Variants in NRXN3 observed in about 807,000 individuals in gnomAD.
NRXN3 encodes the protein neurexin 3.
NRXN3 carries 32 observed loss-of-function variants against 137.6 expected under a neutral mutation model. The ratio of observed to expected loss-of-function variants is 0.23; its 90% CI spans 0.18 to 0.31. The LOEUF is 0.31. NRXN3 is among the 10% of genes least tolerant of loss of function. The pLI is 1.00. For synonymous variants in NRXN3, 798 were observed against 784.5 expected, an observed-to-expected ratio of 1.02 and a Z score of -0.29; for missense variants, 1,574 against 2,062.5, an observed-to-expected ratio of 0.76 and a Z score of 4.59.
At chr14:79,827,780 C>T (rs567538596) in intron 20 of NRXN3, among the ~76,000 whole-genome samples, 4 of 151,454 alleles carry the variant, frequency 2.6e-5, no homozygotes, top group Non-Finnish European at 5.9e-5. Flanking sequence ...CTGCAACTTC[C>T]ACCTCCTGGG....
At chr14:79,017,375 C>T (rs1292534696) in intron 15 of NRXN3, among the ~76,000 whole-genome samples, 1 of 151,670 alleles carries the variant, frequency 6.6e-6, no homozygotes, top group Non-Finnish European at 1.5e-5. Flanking sequence ...TAAGAATTAT[C>T]CTGCCTCATC....
intron 15 of NRXN3, among the ~76,000 whole-genome samples, chr14:79,462,512 T>C (rs1244084149): frequency 6.9e-6 from 1 of 145,802 alleles, no homozygotes. Flanking sequence ...TATACACACA[T>C]ATATGTATAT....
intron 16 of NRXN3, among the ~76,000 whole-genome samples, chr14:79,502,996 G>T (rs1022932010): frequency 1.3e-5 from 2 of 152,090 alleles, no homozygotes; most frequent in Non-Finnish European, 2.9e-5. Flanking sequence ...GCCCAGCCAA[G>T]TGACGTGGCA....
chr14:78,891,006 T>G (rs1304688079), intron 10 of NRXN3, among the ~76,000 whole-genome samples: 1 of 151,996 alleles, frequency 6.6e-6, no homozygotes, highest in Non-Finnish European at 1.5e-5. Flanking sequence ...TATAGGTAAT[T>G]TTTAAGTACC....
chr14:78,204,022 G>A (rs1484325744), intron 1 of NRXN3, among the ~76,000 whole-genome samples: 1 of 151,974 alleles, frequency 6.6e-6, no homozygotes, highest in Non-Finnish European at 1.5e-5. Flanking sequence ...TTTATTGAAA[G>A]GGTTGTAAAG....
At chr14:79,180,360 T>C (rs1222702972) in intron 15 of NRXN3, among the ~76,000 whole-genome samples, 1 of 152,134 alleles carries the variant, frequency 6.6e-6, no homozygotes, top group Non-Finnish European at 1.5e-5. Flanking sequence ...AAGAAATAAA[T>C]GGACTCATTC....
chr14:79,436,111 T>C (rs921137829), intron 15 of NRXN3, among the ~76,000 whole-genome samples: 6 of 152,198 alleles, frequency 3.9e-5, no homozygotes, highest in African/African-American at 7.2e-5. Context: ...CGCTTTTTCA[T>C]TGGGGGACAC....
chr14:79,494,675 C>T (rs893823554), intron 16 of NRXN3, among the ~76,000 whole-genome samples: 9 of 152,010 alleles, frequency 5.9e-5, no homozygotes, highest in African/African-American at 1.4e-4. Context: ...AACTTTTTAT[C>T]GTGAAATAAT....
chr14:78,282,401 G>C (rs1596741766), intron 3 of NRXN3: 1 of 313,126 alleles, frequency 3.2e-6, no homozygotes, highest in African/African-American at 2.2e-5. Context: ...CCTCCTGCCT[G>C]GAGGGGCTGT....
At chr14:79,354,010 C>A (rs2093327991) in intron 15 of NRXN3, among the ~76,000 whole-genome samples, 1 of 152,086 alleles carries the variant, frequency 6.6e-6, no homozygotes, top group African/African-American at 2.4e-5. Flanking sequence ...ATAACAGCTA[C>A]GACATCTTTT....
At chr14:78,263,513 T>A (rs998140650) in intron 2 of NRXN3, among the ~76,000 whole-genome samples, 1 of 152,218 alleles carries the variant, frequency 6.6e-6, no homozygotes, top group Non-Finnish European at 1.5e-5. Flanking sequence ...AAGCAAACAG[T>A]ACGGGGGTCA....
At position 78,534,584 on chromosome 14, in the gene NRXN3, C is replaced by T. The variant is rs370418358; in HGVS notation, c.758-110536C>T. Among the ~76,000 whole-genome samples, 7 of 152,276 alleles carry T rather than the reference C, an allele frequency of 4.6e-5. No individual in the cohort carries two copies. The East Asian group carries it at 7.7e-4, about 17-fold the overall frequency. Reference sequence around the variant, plus strand: ...ATCCTCATTTCTTTAACATGTATTTCTAGATCCTTTTTTGCTCAGAACATT... The same window carrying T: ...ATCCTCATTTCTTTAACATGTATTTTTAGATCCTTTTTTGCTCAGAACATT... On this transcript the variant is annotated intron_variant, in intron 4 of 20. Transcript: ENST00000335750.
intron 4 of NRXN3, among the ~76,000 whole-genome samples, chr14:78,470,124 T>A (rs2095230135): frequency 6.6e-6 from 1 of 152,226 alleles, no homozygotes; most frequent in Admixed American, 6.5e-5. Context: ...TTATCCTCCA[T>A]AAGCCTCATC....
At chr14:79,797,837 A>C (rs772118224) in intron 19 of NRXN3, among the ~76,000 whole-genome samples, 2 of 152,168 alleles carry the variant, frequency 1.3e-5, no homozygotes, top group Admixed American at 6.5e-5. Context: ...TCATGCCTGT[A>C]GTCCCAGCAC....
intron 17 of NRXN3, among the ~76,000 whole-genome samples, chr14:79,690,955 T>G (rs959161939): frequency 2.6e-5 from 4 of 152,146 alleles, no homozygotes; most frequent in African/African-American, 9.6e-5. Context: ...TTTTTAATAT[T>G]GGTAGTTTGG....
Position 78,237,956 on chromosome 14 carries a change from T to C in NRXN3, c.-703-4435T>C, listed in dbSNP as rs540358796. Among the ~76,000 whole-genome samples the C allele has an allele frequency of 5.3e-5, 8 of 152,238 alleles. No individual in the cohort carries two copies. In the South Asian group the frequency reaches 1.7e-3, roughly 32 times the overall value. On this transcript the variant is annotated intron_variant, in intron 1 of 20. Coordinates refer to ENST00000335750, the MANE Select transcript of NRXN3 (RefSeq NM_001330195.2). ...CACAAGGACAGTCATCATCGTGACT[T>C]CCTAAATCAAACCCACTTGTAGACA...
At chr14:79,769,361 G>A (rs759631254) in intron 19 of NRXN3, among the ~76,000 whole-genome samples, 10 of 151,442 alleles carry the variant, frequency 6.6e-5, no homozygotes, top group Non-Finnish European at 1.3e-4. Context: ...AAATGTTAAG[G>A]GCAGCCAGAG....
At chr14:79,280,703 A>T (rs2081143854) in intron 15 of NRXN3, 9 of 696,446 alleles carry the variant, frequency 1.3e-5, no homozygotes, top group Non-Finnish European at 1.7e-5. Context: ...CTTTCTCATA[A>T]AGGTTAGTGT....
chr14:79,680,462 T>C (rs1374007049), intron 17 of NRXN3, among the ~76,000 whole-genome samples: 2 of 151,512 alleles, frequency 1.3e-5, no homozygotes, highest in Non-Finnish European at 3.0e-5. Flanking sequence ...TGTGTGTGTA[T>C]GTGTGTGTGT....
Sources: allele counts gnomAD v4.1 joint callset (sites outside exome capture counted in the v4.1 genomes callset), GRCh38; gene constraint gnomAD v4.1.1; transcripts MANE v1.5; gene names NCBI Gene and HGNC (gene_info 2026-07-23, HGNC 2026-07-21).